TMED5: variants seen among roughly 807,000 people sequenced by gnomAD.
TMED5 encodes transmembrane emp24 domain-containing protein 5.
Under a neutral mutation model 23.0 loss-of-function variants are expected in TMED5, and 27 were observed. The ratio of observed to expected loss-of-function variants is 1.17; its 90% confidence interval spans 0.86 to 1.62. The LOEUF (loss-of-function observed/expected upper bound fraction) is 1.62. Among genes scored for constraint, TMED5 ranks in the 40% most tolerant of loss-of-function variants. The pLI, the probability that TMED5 is intolerant of heterozygous loss-of-function variation, is 0.00. For missense variants in TMED5, 248 were observed against 273.7 expected (o/e 0.91, Z 0.66); for synonymous variants, 97 against 100.8 (o/e 0.96, Z 0.23).
chr1:93,159,440 A>C (rs1364937814), intron 2 of TMED5, among the ~76,000 whole-genome samples: 2 of 152,222 alleles, frequency 1.3e-5, no homozygotes, highest in South Asian at 2.1e-4. Flanking sequence ...CTCACAGTTT[A>C]AACATATAAC....
At chr1:93,168,308 T>A (rs1017561500) in intron 1 of TMED5, among the ~76,000 whole-genome samples, 2 of 152,180 alleles carry the variant, frequency 1.3e-5, no homozygotes, top group Admixed American at 1.3e-4. Flanking sequence ...AGTAAGTACA[T>A]TGTGAATGGT....
rs1463319788 is a variant in TMED5 at position 93,154,750 on chromosome 1, C to G, written c.610G>C (p.Val204Leu). 4 of 1,613,992 alleles carry G rather than the reference C, an allele frequency of 2.5e-6. No individual in the cohort carries two copies. The highest frequency in any genetic ancestry group is 2.2e-5 in the South Asian group (2 of 91,088). ...ATGGCTGACACCACCACCATGACCACTAAATTAACCATAGACCAGAAATTG... is the reference window on the plus strand; with the variant it reads ...ATGGCTGACACCACCACCATGACCAGTAAATTAACCATAGACCAGAAATTG... ...RVNFWSMVNL[V>L]VMVVVSAIQV... The change falls in exon 4 of 4, where the codon GTG (valine) becomes CTG (leucine). Residue 204 changes from valine (V) to leucine (L), a missense_variant. Physicochemically the swap from Val to Leu is conservative, Grantham distance 32. Coordinates refer to ENST00000370282, the MANE Select transcript of TMED5 (RefSeq NM_016040.5).
intron 1 of TMED5, chr1:93,161,883 C>A (rs1483165483): frequency 1.3e-5 from 2 of 151,998 alleles, no homozygotes; most frequent in African/African-American, 4.8e-5. Context: ...TGTTATTATC[C>A]ATATTTTGAT....
chr1:93,159,143 C>A (rs1472122147), intron 2 of TMED5, among the ~76,000 whole-genome samples: 1 of 151,968 alleles, frequency 6.6e-6, no homozygotes, highest in East Asian at 1.9e-4. Context: ...TTAACAAAGA[C>A]CAATAATTTT....
intron 1 of TMED5, among the ~76,000 whole-genome samples, chr1:93,165,102 A>G (rs1170315044): frequency 6.6e-6 from 1 of 152,226 alleles, no homozygotes; most frequent in African/African-American, 2.4e-5. Context: ...GTCAACAACC[A>G]TGAGTGAGTT....
chr1:93,157,292 TAAATA>T (rs1648106579), intron 2 of TMED5, among the ~76,000 whole-genome samples: 1 of 152,198 alleles, frequency 6.6e-6, no homozygotes, highest in South Asian at 2.1e-4. Context: ...TTTTGAGAAT[TAAATA>T]AAACTAGTTT....
chr1:93,156,672 A>G (rs1195485997), intron 2 of TMED5, among the ~76,000 whole-genome samples, 189 bp from the exon 3 acceptor site: 1 of 151,980 alleles, frequency 6.6e-6, no homozygotes, highest in Non-Finnish European at 1.5e-5. Context: ...GTAACATGGC[A>G]AAATCCTGTC....
chr1:93,179,779 G>A (rs1222958884), intron 1 of TMED5: 1 of 426,158 alleles, frequency 2.3e-6, no homozygotes, highest in African/African-American at 2.1e-5. Context: ...AAAGAGAAAA[G>A]CCAGCGACAT....
At position 93,154,840 on chromosome 1, in the gene TMED5, G is replaced by C; in HGVS notation, c.520C>G (p.Gln174Glu). ...GCTTCAAATGCTCTAAGCAGAGTTT[G>C]TATGTGCCCACTTTTGCTTAGTCTG... ...KSRLSKSGHIQTLLRAFEARD... is the reference protein window; with the variant it reads ...KSRLSKSGHIETLLRAFEARD... The change falls in exon 4 of 4, where the codon CAA (glutamine) becomes GAA (glutamate). Residue 174 changes from glutamine to glutamate, a missense_variant. Physicochemically the swap from Gln to Glu is conservative, Grantham distance 29. Coordinates refer to ENST00000370282, the MANE Select transcript of TMED5 (RefSeq NM_016040.5). 6.2e-7 allele frequency: 1 copy of C among 1,614,002 alleles called. No homozygotes were observed. Among genetic ancestry groups the C allele is most frequent in the Non-Finnish European group, 8.5e-7 (1 of 1,179,882 alleles).
intron 1 of TMED5, among the ~76,000 whole-genome samples, chr1:93,166,437 G>A (rs958496421): frequency 6.6e-6 from 1 of 152,132 alleles, no homozygotes; most frequent in African/African-American, 2.4e-5. Flanking sequence ...GTTATTACCT[G>A]TCTTTTGGAT....
intron 3 of TMED5, chr1:93,155,999 T>A (rs1216248753): frequency 3.4e-6 from 4 of 1,164,154 alleles, no homozygotes; most frequent in African/African-American, 3.1e-5. Flanking sequence ...ATTTATAATT[T>A]AAAAATTCTA....
chr1:93,177,044 A>G (rs564929051), intron 1 of TMED5, among the ~76,000 whole-genome samples: 1 of 152,380 alleles, frequency 6.6e-6, no homozygotes, highest in Non-Finnish European at 1.5e-5. Flanking sequence ...GTAAGAAATT[A>G]GTAAAATTTT....
At chr1:93,173,835 T>A (rs1648814596) in intron 1 of TMED5, among the ~76,000 whole-genome samples, 1 of 152,238 alleles carries the variant, frequency 6.6e-6, no homozygotes, top group African/African-American at 2.4e-5. Context: ...ACATTTTAAT[T>A]AAATAATCAT....
intron 1 of TMED5, among the ~76,000 whole-genome samples, chr1:93,170,462 G>A (rs1197861980): frequency 2.0e-5 from 3 of 152,174 alleles, no homozygotes; most frequent in African/African-American, 7.2e-5. Flanking sequence ...CCTCCCCGCG[G>A]GGCAGGGCTT....
intron 2 of TMED5, 80 bp from the exon 3 acceptor site, chr1:93,156,563 G>GT (rs760307847): frequency 1.4e-5 from 16 of 1,148,922 alleles, no homozygotes; most frequent in Non-Finnish European, 2.0e-5. Flanking sequence ...AAAATAAGAA[G>GT]TAACAGGCTG....
intron 1 of TMED5, among the ~76,000 whole-genome samples, chr1:93,167,187 G>A (rs1648541048): frequency 6.6e-6 from 1 of 152,064 alleles, no homozygotes; most frequent in African/African-American, 2.4e-5. Flanking sequence ...TTTGAAGTTA[G>A]GTCATGTGAT....
chr1:93,164,676 G>C (rs1381168665), intron 1 of TMED5, among the ~76,000 whole-genome samples: 3 of 152,112 alleles, frequency 2.0e-5, no homozygotes, highest in Admixed American at 2.0e-4. Flanking sequence ...GAATGCCTGG[G>C]AGGAGGAAAT....
At chr1:93,170,357 G>A (rs1298026888) in intron 1 of TMED5, among the ~76,000 whole-genome samples, 1 of 152,218 alleles carries the variant, frequency 6.6e-6, no homozygotes, top group Non-Finnish European at 1.5e-5. Context: ...GCCCCGCACT[G>A]GGAGCGGCCG....
intron 1 of TMED5, among the ~76,000 whole-genome samples, chr1:93,173,719 G>C (rs1648810434): frequency 6.6e-6 from 1 of 152,162 alleles, no homozygotes; most frequent in Admixed American, 6.5e-5. Context: ...CCTGAAATCA[G>C]TCCTATTCAG....
Sources: allele counts gnomAD v4.1 joint callset (sites outside exome capture counted in the v4.1 genomes callset), GRCh38; gene constraint gnomAD v4.1.1; transcripts MANE v1.5; gene names NCBI Gene and HGNC (gene_info 2026-07-23, HGNC 2026-07-21).